Variants in KIF7 observed in about 807,000 individuals in gnomAD.
KIF7 encodes kinesin-like protein KIF7.
In KIF7, 104 loss-of-function variants were observed where a neutral mutation model predicts 135.7. The observed-to-expected ratio is 0.77, with a 90% CI of 0.65 to 0.90. The LOEUF is 0.90. Ranked by LOEUF, KIF7 falls within the 40% of genes least tolerant of loss-of-function variation. The probability of loss-of-function intolerance (pLI) is 0.00; values close to 1 mark genes in which losing one functional copy is unlikely to be tolerated. For missense variants in KIF7, 2,005 were observed against 1,839.1 expected (o/e 1.09, Z -1.65); for synonymous variants, 883 against 809.4 (o/e 1.09, Z -1.54).
At position 89,628,165 on chromosome 15, in the gene KIF7, G is replaced by C. The variant is rs76757474; in HGVS notation, c.*254C>G. ...TGAAACCAGAATTGTCCTGAGATTC[G>C]AGCAAGACACAAGGCGGCAATTGGG... On this transcript the variant is annotated 3_prime_UTR_variant, in exon 19 of 19. Coordinates refer to ENST00000394412, the MANE Select transcript of KIF7 (RefSeq NM_198525.3). The C allele has an allele frequency of 4.4e-6, 2 of 453,412 alleles. No homozygotes were observed. The highest frequency in any genetic ancestry group is 7.8e-6 in the Non-Finnish European group (2 of 257,810). The allele number at this position is 453,412 out of a possible 1,614,324, so 28.1% of individuals were successfully genotyped here.
chr15:89,630,067 G>A, intron 16 of KIF7: 1 of 601,202 alleles, frequency 1.7e-6, no homozygotes, highest in Non-Finnish European at 3.0e-6. Flanking sequence ...CCACCCTGAG[G>A]TTAGCCAATC....
At chr15:89,653,626 G>T (rs184099805) in intron 1 of KIF7, among the ~76,000 whole-genome samples, 9 of 152,216 alleles carry the variant, frequency 5.9e-5, no homozygotes. Flanking sequence ...CACCCAGACT[G>T]GAGTACAGTG....
chr15:89,633,793 G>T lies in KIF7; in HGVS notation c.2485C>A (p.Gln829Lys). The T allele has an allele frequency of 6.2e-7, 1 of 1,612,194 alleles. No individual in the cohort carries two copies. Among genetic ancestry groups the T allele is most frequent in the Non-Finnish European group, 8.5e-7 (1 of 1,180,024 alleles). ...KRLQELERNV[Q>K]LMRQQQGQLQ... The stretch of plus-strand genomic sequence containing the variant: ...TGTCCCTGCTGCTGCCGCATGAGCT[G>T]CACGTTCCGCTCGAGCTCCTGCAGT... Residue 829 changes from glutamine to lysine, a missense_variant, in exon 12 of 19, where the codon CAG becomes AAG. Transcript: ENST00000394412.
intron 1 of KIF7, among the ~76,000 whole-genome samples, chr15:89,622,617 C>T (rs1303193956): frequency 6.6e-6 from 1 of 151,908 alleles, no homozygotes; most frequent in East Asian, 1.9e-4. Context: ...GTCTGAAAAC[C>T]ATAGATCTAC....
At chr15:89,622,632 C>T (rs565321099) in intron 1 of KIF7, among the ~76,000 whole-genome samples, 29 of 152,314 alleles carry the variant, frequency 1.9e-4, no homozygotes, top group African/African-American at 6.7e-4. Context: ...ATCTACACAA[C>T]CAAGATCAGT....
chr15:89,657,647 CA>C (rs1488110349), upstream of KIF7, among the ~76,000 whole-genome samples: 16 of 151,962 alleles, frequency 1.1e-4, no homozygotes, highest in Admixed American at 3.9e-4. Context: ...ATTTTGTGGT[CA>C]AAAAATTCAG....
At chr15:89,625,773 G>C, downstream of KIF7, 1 of 1,602,722 alleles carries the variant, frequency 6.2e-7, no homozygotes, top group East Asian at 2.2e-5. Context: ...GAGACGAAGA[G>C]GTGTTTGTTT....
rs1596063532 is a variant in KIF7 at position 89,628,303 on chromosome 15, T to C, written c.*116A>G. 7.3e-7 allele frequency: 1 copy of C among 1,369,818 alleles called. No individual in the cohort carries two copies. The highest frequency in any genetic ancestry group is 1.5e-5 in the African/African-American group (1 of 68,590). The allele number at this position is 1,369,818 out of a possible 1,614,324, so 84.9% of individuals were successfully genotyped here. Reference sequence around the variant, plus strand: ...TTGTTGATCCCAGTGAGGGTACAGATGAGGGCCTGGATTTAGGGTGTGCGG... The same window carrying C: ...TTGTTGATCCCAGTGAGGGTACAGACGAGGGCCTGGATTTAGGGTGTGCGG... On this transcript the variant is annotated 3_prime_UTR_variant, in exon 19 of 19. Transcript: ENST00000394412.
chr15:89,618,517 C>A (rs1963372859), intron 1 of KIF7, among the ~76,000 whole-genome samples: 1 of 152,216 alleles, frequency 6.6e-6, no homozygotes, highest in African/African-American at 2.4e-5. Flanking sequence ...CTTTTCACTA[C>A]ATATTTTTTC....
chr15:89,632,749 C>A, intron 14 of KIF7, 71 bp downstream of exon 14: 2 of 1,522,054 alleles, frequency 1.3e-6, no homozygotes, highest in Non-Finnish European at 1.8e-6. Context: ...GCTCACCTGG[C>A]AAGATCTGTC....
chr15:89,617,898 G>A lies in KIF7; in HGVS notation c.*75+131C>T, dbSNP rs555427269. 16 of 415,572 alleles carry A rather than the reference G, an allele frequency of 3.9e-5. No individual in the cohort carries two copies. In the South Asian group the frequency reaches 4.8e-4, roughly 12 times the overall value. 25.7% of individuals were successfully genotyped at this position (415,572 alleles called of 1,614,324 possible). On this transcript the variant is annotated intron_variant and NMD_transcript_variant, in intron 2 of 2. Transcript: ENST00000558928. The stretch of plus-strand genomic sequence containing the variant: ...ATAGAGTCGGGGTTTCACCATATTG[G>A]CCAGACTGGTCTCGAACTCCTGACC...
At chr15:89,620,147 A>C (rs1596057706) in intron 1 of KIF7, among the ~76,000 whole-genome samples, 1 of 152,130 alleles carries the variant, frequency 6.6e-6, no homozygotes, top group East Asian at 1.9e-4. Context: ...GTGGAAGGTG[A>C]TATCTGTGTT....
In KIF7 at chr15:89,621,298, G is replaced by A. The variant is rs1963421409; in HGVS notation, c.181-3103C>T. The A allele has an allele frequency of 1.5e-5, 20 of 1,310,336 alleles. No homozygotes were observed. The East Asian group carries it at 4.1e-4, about 27-fold the overall frequency. 81.2% of individuals were successfully genotyped at this position (1,310,336 alleles called of 1,614,324 possible). ...GGCCTCCCAAAGTGCTGGGATTACA[G>A]GCGTGAGCCACCATGCGTGGCTGGC... is the stretch of plus-strand genomic sequence containing the variant. On this transcript the variant is annotated intron_variant and NMD_transcript_variant, in intron 1 of 2. Transcript: ENST00000558928.
intron 2 of KIF7, among the ~76,000 whole-genome samples, chr15:89,651,089 G>A (rs1482324219): frequency 6.6e-6 from 1 of 151,918 alleles, no homozygotes; most frequent in East Asian, 1.9e-4. Context: ...CCACCACCAT[G>A]CTTGGCCAGT....
At chr15:89,653,989 A>ATTTTTG (rs757468965) in intron 1 of KIF7, among the ~76,000 whole-genome samples, 16 of 151,830 alleles carry the variant, frequency 1.1e-4, no homozygotes, top group Admixed American at 8.5e-4. Context: ...GATTCAAAAT[A>ATTTTTG]TTTTTGTTTT....
chr15:89,631,771 G>C, intron 14 of KIF7, 61 bp from the exon 15 acceptor site: 7 of 1,404,570 alleles, frequency 5.0e-6, no homozygotes, highest in South Asian at 1.4e-5. Flanking sequence ...AGGGGGGACA[G>C]AAAGGGCCGG....
chr15:89,632,337 T>C lies in KIF7; in HGVS notation c.2895+483A>G, dbSNP rs551373088. ...CAACGCTGTGGCTCAGAAGCTGACC[T>C]TCCTATTCTAGATGGAGTAATGATG... On this transcript the variant is annotated intron_variant, in intron 14 of 18. Coordinates refer to ENST00000394412, the MANE Select transcript of KIF7 (RefSeq NM_198525.3). 1.9e-4 allele frequency among the ~76,000 whole-genome samples: 29 copies of C among 152,324 alleles called. No individual in the cohort carries two copies. In the South Asian group the frequency reaches 6.0e-3, roughly 32 times the overall value.
downstream of KIF7, chr15:89,623,815 T>C (rs199627571): frequency 6.2e-4 from 994 of 1,613,842 alleles, 2 homozygotes; most frequent in Middle Eastern, 1.2e-3. Context: ...TGACTCACCA[T>C]TGGATTCAAA....
intron 15 of KIF7, chr15:89,630,871 G>A (rs867792649): frequency 1.6e-5 from 6 of 373,948 alleles, no homozygotes; most frequent in South Asian, 1.1e-4. Flanking sequence ...CGTTTTCGAC[G>A]TCGTGCAAAC....
Sources: allele counts gnomAD v4.1 joint callset (sites outside exome capture counted in the v4.1 genomes callset), GRCh38; gene constraint gnomAD v4.1.1; transcripts MANE v1.5; gene names NCBI Gene and HGNC (gene_info 2026-07-23, HGNC 2026-07-21).